BLTP1: variants seen among roughly 807,000 people sequenced by gnomAD.
BLTP1 encodes the protein bridge-like lipid transfer protein family member 1, also known as fragile site-associated protein.
the BLTP1 span, chr4:122,198,528 A>G: frequency 1.3e-6 from 1 of 797,944 alleles, no homozygotes; most frequent in Non-Finnish European, 1.5e-6. Flanking sequence ...TTTATGCAGT[A>G]TTATACAAAT....
the BLTP1 span, chr4:122,346,901 A>G: frequency 7.1e-7 from 1 of 1,406,832 alleles, no homozygotes; most frequent in East Asian, 2.4e-5. Flanking sequence ...CCCCTCTAAT[A>G]TGCCAACCAC....
At chr4:122,355,617 G>A in the BLTP1 span, 8 of 155,230 alleles carry the variant, frequency 5.2e-5, no homozygotes, top group African/African-American at 1.7e-4. Flanking sequence ...ATATACATAT[G>A]TGTCCATGTA....
At chr4:122,281,414 G>T in the BLTP1 span, 55 of 1,358,342 alleles carry the variant, frequency 4.0e-5, no homozygotes, top group Non-Finnish European at 4.0e-5. Context: ...ATCTGATATT[G>T]GAAAGAAAAC....
chr4:122,156,711 A>G, the BLTP1 span, among the ~76,000 whole-genome samples: 1 of 152,212 alleles, frequency 6.6e-6, no homozygotes, highest in Admixed American at 6.5e-5. Flanking sequence ...GGTATAAGGG[A>G]TATAAGCACA....
At chr4:122,184,753 C>T in the BLTP1 span, 1 of 985,016 alleles carries the variant, frequency 1.0e-6, no homozygotes, top group Non-Finnish European at 1.2e-6. Context: ...CATTAGCATA[C>T]TGCCTTTCTA....
At chr4:122,192,547 G>A in the BLTP1 span, 1 of 174,018 alleles carries the variant, frequency 5.7e-6, no homozygotes, top group Non-Finnish European at 1.1e-5. Context: ...TTCTCCACAA[G>A]CAAGTTCATT....
chr4:122,225,116 G>A, the BLTP1 span: 2 of 678,024 alleles, frequency 2.9e-6, no homozygotes, highest in East Asian at 1.2e-4. Context: ...ATGATACTAA[G>A]GATTAGGTAA....
At chr4:122,181,442 C>T in the BLTP1 span, 8,666 of 152,368 alleles carry the variant, frequency 0.057, 295 homozygotes, top group Non-Finnish European at 0.075. Flanking sequence ...CAGGCATATG[C>T]CCCAATTAGG....
At chr4:122,176,235 G>A in the BLTP1 span, among the ~76,000 whole-genome samples, 8 of 151,818 alleles carry the variant, frequency 5.3e-5, no homozygotes, top group East Asian at 1.9e-4. Flanking sequence ...CCCAGGAGGC[G>A]GAGGTTGCAG....
At chr4:122,266,990 G>C in the BLTP1 span, 1 of 1,186,990 alleles carries the variant, frequency 8.4e-7, no homozygotes, top group East Asian at 2.7e-5. Context: ...ATAATTTTGT[G>C]CAAGAATTAT....
the BLTP1 span, chr4:122,239,738 A>G: frequency 1.2e-6 from 2 of 1,614,048 alleles, no homozygotes; most frequent in South Asian, 2.2e-5. Context: ...ATGAGAATGT[A>G]CTAGACTCAC....
the BLTP1 span, among the ~76,000 whole-genome samples, chr4:122,186,776 G>T: frequency 6.6e-6 from 1 of 151,988 alleles, no homozygotes; most frequent in Non-Finnish European, 1.5e-5. Context: ...CACAAGTCTA[G>T]CCCACTGCCT....
the BLTP1 span, among the ~76,000 whole-genome samples, chr4:122,338,435 A>G: frequency 6.6e-6 from 1 of 152,282 alleles, no homozygotes; most frequent in African/African-American, 2.4e-5. Context: ...TAATTGTACC[A>G]CTGCAGTCCA....
At chr4:122,167,973 A>C in the BLTP1 span, 5 of 821,506 alleles carry the variant, frequency 6.1e-6, no homozygotes, top group Non-Finnish European at 7.3e-6. Flanking sequence ...GTGATATACT[A>C]CTTCATGTGG....
the BLTP1 span, chr4:122,356,469 TAACA>T: frequency 3.8e-6 from 3 of 793,566 alleles, no homozygotes; most frequent in Non-Finnish European, 5.9e-6. Context: ...GGGAAGTGCT[TAACA>T]AACTATCATC....
chr4:122,347,265 T>A, the BLTP1 span: 4 of 979,684 alleles, frequency 4.1e-6, no homozygotes, highest in East Asian at 1.1e-4. Flanking sequence ...GAGGTAAATT[T>A]GAGAAACCCT....
chr4:122,227,161 T>C, the BLTP1 span: 4 of 1,000,086 alleles, frequency 4.0e-6, no homozygotes, highest in African/African-American at 1.7e-5. Context: ...ATTTAGAAAT[T>C]GAAGCAAAGA....
the BLTP1 span, chr4:122,276,145 GC>G: frequency 2.3e-5 from 19 of 813,986 alleles, no homozygotes; most frequent in Non-Finnish European, 2.9e-5. Flanking sequence ...TGTAATATAG[GC>G]CCTTTTATAT....
chr4:122,272,156 A>T, the BLTP1 span: 46 of 1,610,062 alleles, frequency 2.9e-5, no homozygotes, highest in Non-Finnish European at 3.7e-5. Flanking sequence ...ATTTACTTAT[A>T]AAGGAGTTCG....
Sources: gnomAD v4.1 joint callset for allele counts (sites outside exome capture counted in the v4.1 genomes callset) on GRCh38, gnomAD v4.1.1 for gene constraint, MANE v1.5 for transcripts, NCBI Gene and HGNC (gene_info 2026-07-23, HGNC 2026-07-21) for gene names.